SZT2: variants seen among roughly 807,000 people sequenced by gnomAD.
SZT2 encodes KICSTOR complex protein SZT2.
In SZT2, 216 loss-of-function variants were observed where a neutral mutation model predicts 404.2. The observed-to-expected ratio is 0.53, with a 90% confidence interval of 0.48 to 0.60. The LOEUF (loss-of-function observed/expected upper bound fraction) is 0.60. Among genes scored for constraint, SZT2 ranks in the 20% least tolerant of loss-of-function variants. SZT2 has a pLI of 0.00. For synonymous variants in SZT2, 1,693 were observed against 1,749.9 expected, an observed-to-expected ratio of 0.97 and a Z score of 0.81; for missense variants, 3,857 against 4,459.2, an observed-to-expected ratio of 0.86 and a Z score of 3.85.
At chr1:43,399,377 A>T (rs999133848) in intron 1 of SZT2, among the ~76,000 whole-genome samples, 2 of 151,386 alleles carry the variant, frequency 1.3e-5, no homozygotes, top group Admixed American at 1.3e-4. Flanking sequence ...GGCTACTTTG[A>T]GTAGCTCTAG....
chr1:43,399,093 A>G (rs1649354921), intron 1 of SZT2, among the ~76,000 whole-genome samples: 1 of 151,988 alleles, frequency 6.6e-6, no homozygotes, highest in African/African-American at 2.4e-5. Flanking sequence ...AAAAAAAAAG[A>G]AAAAAATCAT....
Position 43,435,302 on chromosome 1 carries a change from C to T in SZT2, c.6007C>T (p.Arg2003Cys), listed in dbSNP as rs747986820. ...GCGCAGTGAGACTCCCTTCCACTCCCGTCAGCGGGCACCACTGCCCAGTGA... is the reference window on the plus strand; with the variant it reads ...GCGCAGTGAGACTCCCTTCCACTCCTGTCAGCGGGCACCACTGCCCAGTGA... ...LWRSETPFHSRQRAPLPSDDY... is the reference protein window; with the variant it reads ...LWRSETPFHSCQRAPLPSDDY... The change falls in exon 42 of 72, where the codon CGT (arginine) becomes TGT (cysteine). Residue 2003 changes from arginine (R) to cysteine (C), a missense_variant. Arg to Cys is a radical substitution (Grantham distance 180). Transcript: ENST00000634258. The T allele has an allele frequency of 4.5e-5, 73 of 1,614,106 alleles. No homozygotes were observed. Among genetic ancestry groups the T allele is most frequent in the Non-Finnish European group, 5.6e-5 (66 of 1,180,054 alleles).
rs538004992 is a variant in SZT2 at position 43,452,485 on chromosome 1, T to C, written c.*2005T>C. The stretch of plus-strand genomic sequence containing the variant: ...AGCACTTTCAGAGACACTTCAGTGA[T>C]GGCTGAGGGGCAAGCCCTTTCCCAG... On this transcript the variant is annotated 3_prime_UTR_variant, in exon 72 of 72. Transcript: ENST00000634258. The C allele has an allele frequency of 4.5e-5, 32 of 704,906 alleles. No homozygotes were observed. Among genetic ancestry groups the C allele is most frequent in the African/African-American group, 4.4e-4 (25 of 57,168 alleles). 43.7% of individuals were successfully genotyped at this position (704,906 alleles called of 1,614,324 possible). A position where few individuals can be genotyped will look rare whatever the true frequency, so the allele number is the denominator to read the frequency against.
Position 43,451,529 on chromosome 1 carries a change from G to T in SZT2, c.*1049G>T, listed in dbSNP as rs1341731833. The T allele has an allele frequency of 6.2e-7, 1 of 1,614,080 alleles. No homozygotes were observed. Among genetic ancestry groups the T allele is most frequent in the South Asian group, 1.1e-5 (1 of 91,080 alleles). On this transcript the variant is annotated 3_prime_UTR_variant, in exon 72 of 72. Transcript: ENST00000634258. ...GGGCTCCCCTCGGCCTGGGACCTGTGCCACCTGCACATGCCCTGGGGACAG... is the reference window on the plus strand; with the variant it reads ...GGGCTCCCCTCGGCCTGGGACCTGTTCCACCTGCACATGCCCTGGGGACAG...
chr1:43,398,952 C>A (rs187181592), intron 1 of SZT2, among the ~76,000 whole-genome samples: 1 of 152,142 alleles, frequency 6.6e-6, no homozygotes, highest in East Asian at 1.9e-4. Flanking sequence ...TGGTGGCATG[C>A]CCCTGTAGTC....
intron 1 of SZT2, among the ~76,000 whole-genome samples, chr1:43,399,092 GAAAA>G (rs928816715): frequency 2.0e-5 from 3 of 151,420 alleles, no homozygotes; most frequent in African/African-American, 7.3e-5. Context: ...AAAAAAAAAA[GAAAA>G]AAATCATTTT....
At chr1:43,446,157 G>GC (rs751774175) in intron 63 of SZT2, 22 bp from the exon 64 acceptor site, 5 of 1,613,888 alleles carry the variant, frequency 3.1e-6, no homozygotes, top group Non-Finnish European at 3.4e-6. Context: ...CCCAAACCTT[G>GC]CCCCCTTTTT....
Position 43,448,126 on chromosome 1 carries a change from G to A in SZT2, c.9611G>A (p.Arg3204Lys). 1 of 1,604,460 alleles carries A rather than the reference G, an allele frequency of 6.2e-7. No individual in the cohort carries two copies. Among genetic ancestry groups the A allele is most frequent in the African/African-American group, 1.3e-5 (1 of 74,774 alleles). The change falls in exon 69 of 72, where the codon AGG (arginine) becomes AAG (lysine). Residue 3204 changes from arginine to lysine, a missense_variant. Physicochemically the swap from Arg to Lys is conservative, Grantham distance 26 (BLOSUM62 2). Coordinates refer to ENST00000634258, the MANE Select transcript of SZT2 (RefSeq NM_001365999.1). This position sits in a 1 kb window ranked among gnomAD's most constrained non-coding sequence, Gnocchi z 4.2. ...VLTSQRELFP[R>K]LTADMRRFRK... ...ACCAGCCAGCGAGAGCTCTTCCCCA[G>A]GCTCACTGCTGACATGCGCCGCTTC...
chr1:43,404,624 G>C, intron 4 of SZT2, 74 bp downstream of exon 4: 4 of 1,487,476 alleles, frequency 2.7e-6, no homozygotes, highest in Non-Finnish European at 3.7e-6. Context: ...TCCTTATCCT[G>C]TCTCTGCTGT....
Position 43,428,407 on chromosome 1 carries a change from C to T in SZT2, c.4087C>T (p.Leu1363Phe), listed in dbSNP as rs776911159. The change falls in exon 28 of 72, where the codon CTC becomes TTC. Residue 1363 changes from leucine to phenylalanine, a missense_variant. This residue lies in a region of SZT2 where 1,725 missense variants were observed against 1,881.0 expected (regional missense o/e 0.92). Transcript: ENST00000634258. Reference protein sequence around the residue: ...LPHAPPSPGPLSPGPFSSSME... With the variant: ...LPHAPPSPGPFSPGPFSSSME... ...TCATGCACCCCCAAGTCCTGGTCCTCTCAGCCCTGGGCCCTTCAGCAGCAG... is the reference window on the plus strand; with the variant it reads ...TCATGCACCCCCAAGTCCTGGTCCTTTCAGCCCTGGGCCCTTCAGCAGCAG... 6.2e-7 allele frequency: 1 copy of T among 1,614,200 alleles called. No individual in the cohort carries two copies. Among genetic ancestry groups the T allele is most frequent in the Non-Finnish European group, 8.5e-7 (1 of 1,180,036 alleles).
intron 6 of SZT2, among the ~76,000 whole-genome samples, 187 bp from the exon 7 acceptor site, chr1:43,416,348 A>G (rs1322830539): frequency 2.6e-5 from 4 of 152,168 alleles, no homozygotes; most frequent in Non-Finnish European, 5.9e-5. Context: ...TCTGGCATTC[A>G]AGAGGAAGAA....
chr1:43,420,804 T>C lies in SZT2; in HGVS notation c.1317T>C (p.Ile439=). The change falls in exon 10 of 72, where the codon ATT becomes ATC. Residue 439 remains isoleucine, a synonymous_variant. Coordinates refer to ENST00000634258, the MANE Select transcript of SZT2 (RefSeq NM_001365999.1). The surrounding 1 kb of genome is among the most constrained non-coding windows in gnomAD (Gnocchi z 5.1). ...LVLLWKHNMR[I]EYVAMAPWPL... ...TGCTGTGGAAACACAACATGCGCAT[T>C]GAGTATGTGGCTATGGCACCCTGGC... 2.5e-6 allele frequency: 4 copies of C among 1,598,364 alleles called. No homozygotes were observed. The highest frequency in any genetic ancestry group is 3.4e-6 in the Non-Finnish European group (4 of 1,179,792).
In SZT2 at chr1:43,406,261, T is replaced by G. The variant is rs184416536; in HGVS notation, c.498+1711T>G. On this transcript the variant is annotated intron_variant, in intron 4 of 71. Transcript: ENST00000634258. ...CACTACCACACCCGGCTAATTTTTG[T>G]TTTTTTTGTTTTTTTTGGTAGAGAC... is the stretch of plus-strand genomic sequence containing the variant. 32 of 326,440 alleles carry G rather than the reference T, an allele frequency of 9.8e-5. No homozygotes were observed. The East Asian group carries it at 3.1e-3, about 32-fold the overall frequency. 20.2% of individuals were successfully genotyped at this position (326,440 alleles called of 1,614,324 possible).
At position 43,431,444 on chromosome 1, in the gene SZT2, C is replaced by T. The variant is rs758457444; in HGVS notation, c.5025-16C>T. ...CATTTTCTGGAAACCAATATCTAAA[C>T]CTTTCTTCCAATTAGGCACCCAGGA... is the stretch of plus-strand genomic sequence containing the variant. On this transcript the variant is annotated splice_polypyrimidine_tract_variant and intron_variant, in intron 34 of 71. Transcript: ENST00000634258. 3.7e-5 allele frequency: 60 copies of T among 1,614,038 alleles called. No homozygotes were observed. The East Asian group carries it at 1.3e-3, about 34-fold the overall frequency.
At chr1:43,418,939 A>G (rs999198126) in intron 7 of SZT2, among the ~76,000 whole-genome samples, 4 of 152,272 alleles carry the variant, frequency 2.6e-5, no homozygotes, top group African/African-American at 9.6e-5. Flanking sequence ...TTTGTTCCAC[A>G]TGAAGCCAAG....
Position 43,427,418 on chromosome 1 carries a change from CCT to C in SZT2, c.3572_3573del (p.Pro1191ArgfsTer8). The C allele has an allele frequency of 6.2e-7, 1 of 1,613,472 alleles. No homozygotes were observed. The highest frequency in any genetic ancestry group is 8.5e-7 in the Non-Finnish European group (1 of 1,179,592). On this transcript the variant is annotated frameshift_variant, in exon 25 of 72. Transcript: ENST00000634258. LOFTEE classifies it high-confidence loss of function. ...TGIKATKSHV[P>X]VLSVTLASDN... ...GATCAAAGCTACAAAGTCCCACGTC[CCT>C]GTCCTCAGTGTGACCCTGGCTAGTG...
Position 43,421,287 on chromosome 1 carries a change from C to T in SZT2, c.1610C>T (p.Pro537Leu), listed in dbSNP as rs753163879. The T allele has an allele frequency of 2.9e-5, 46 of 1,598,474 alleles. No homozygotes were observed. Among genetic ancestry groups the T allele is most frequent in the Non-Finnish European group, 1.1e-5 (13 of 1,179,830 alleles). Residue 537 changes from proline to leucine, a missense_variant, in exon 11 of 72, where the codon CCA (proline) becomes CTA (leucine). Around this residue, in one of 7 missense-constraint regions of SZT2, gnomAD observed 39 missense variants for 89.7 expected, o/e 0.43. Coordinates refer to ENST00000634258, the MANE Select transcript of SZT2 (RefSeq NM_001365999.1). ...KSGVPLFYIP[P>L]GSTTPVLSLQ... ...GGAGTGCCACTCTTCTACATCCCTCCAGGCTCCACCACCCCGGTGAGTAGC... is the reference window on the plus strand; with the variant it reads ...GGAGTGCCACTCTTCTACATCCCTCTAGGCTCCACCACCCCGGTGAGTAGC...
At position 43,441,086 on chromosome 1, in the gene SZT2, C is replaced by A; in HGVS notation, c.7345-128C>A. 1.3e-5 allele frequency: 15 copies of A among 1,193,932 alleles called. No individual in the cohort carries two copies. The highest frequency in any genetic ancestry group is 1.8e-5 in the Non-Finnish European group (15 of 847,452). 74.0% of individuals were successfully genotyped at this position (1,193,932 alleles called of 1,614,324 possible). ...AACCTGCCCAAGGCTCCTTAGCCAGCCCCTGGGGAAGCCAGGGTCTGAACC... is the reference window on the plus strand; with the variant it reads ...AACCTGCCCAAGGCTCCTTAGCCAGACCCTGGGGAAGCCAGGGTCTGAACC... On this transcript the variant is annotated intron_variant, in intron 52 of 71. Transcript: ENST00000634258. This position sits in a 1 kb window ranked among gnomAD's most constrained non-coding sequence, Gnocchi z 4.8.
chr1:43,427,660 C>T lies in SZT2; in HGVS notation c.3729C>T (p.Ser1243=). ...CCCGGTGTCCTGTCTACATCTACAG[C>T]TGTTCACTGGAAGCGCTGAGGGAAC... ...PRTRCPVYIY[S]CSLEALREQM... Residue 1243 remains serine (S), a synonymous_variant, in exon 26 of 72, where the codon AGC becomes AGT. Transcript: ENST00000634258. 6.2e-7 allele frequency: 1 copy of T among 1,614,198 alleles called. No homozygotes were observed.
Sources: allele counts gnomAD v4.1 joint callset (sites outside exome capture counted in the v4.1 genomes callset), GRCh38; gene constraint gnomAD v4.1.1; regional missense constraint gnomAD v4.1.1; non-coding constraint Gnocchi (gnomAD v3.1); transcripts MANE v1.5; gene names NCBI Gene and HGNC (gene_info 2026-07-23, HGNC 2026-07-21).